The following USP38 variants were observed in gnomAD, a reference collection of about 807,000 sequenced individuals.
The protein encoded by USP38 is ubiquitin specific peptidase 38.
Under a neutral mutation model 94.3 loss-of-function variants are expected in USP38, and 49 were observed. The ratio of observed to expected loss-of-function variants is 0.52; its 90% CI spans 0.41 to 0.66. The LOEUF (loss-of-function observed/expected upper bound fraction) is 0.66. USP38 is among the 30% of genes least tolerant of loss of function. The pLI is 0.00. For synonymous variants in USP38, 468 were observed against 463.6 expected, an observed-to-expected ratio of 1.01 and a Z score of -0.12; for missense variants, 1,128 against 1,229.4, an observed-to-expected ratio of 0.92 and a Z score of 1.23.
chr4:143,195,577 A>G lies in USP38; in HGVS notation c.819-139A>G, dbSNP rs1731520173. The G allele has an allele frequency of 5.1e-6, 4 of 791,032 alleles. No homozygotes were observed. The South Asian group carries it at 1.0e-4, about 20-fold the overall frequency. The allele number at this position is 791,032 out of a possible 1,614,324, so 49.0% of individuals were successfully genotyped here. ...AAGCACCTGTTACATTCACTTCTAC[A>G]TCTTGGTCAGTGCTTTTCACCAGCA... is the stretch of plus-strand genomic sequence containing the variant. On this transcript the variant is annotated intron_variant, in intron 2 of 9. Transcript: ENST00000307017.
rs1472499721 is a variant in USP38 at position 143,203,670 on chromosome 4, T to G, written c.1209+104T>G. On this transcript the variant is annotated intron_variant, in intron 5 of 9. Coordinates refer to ENST00000307017, the MANE Select transcript of USP38 (RefSeq NM_032557.6). ...ATTTACTATTTTATGGTAATATGCT[T>G]TTTATTTGAAAAATGCAGTTAGAAT... 3.2e-6 allele frequency: 4 copies of G among 1,238,360 alleles called. No individual in the cohort carries two copies. The African/African-American group carries it at 6.3e-5, about 19-fold the overall frequency. 76.7% of individuals were successfully genotyped at this position (1,238,360 alleles called of 1,614,324 possible).
Position 143,220,507 on chromosome 4 carries a change from T to C in USP38, c.*51T>C. 1 of 1,463,232 alleles carries C rather than the reference T, an allele frequency of 6.8e-7. No homozygotes were observed. Among genetic ancestry groups the C allele is most frequent in the Non-Finnish European group, 9.1e-7 (1 of 1,098,822 alleles). 90.6% of individuals were successfully genotyped at this position (1,463,232 alleles called of 1,614,324 possible). On this transcript the variant is annotated 3_prime_UTR_variant, in exon 10 of 10. Coordinates refer to ENST00000307017, the MANE Select transcript of USP38 (RefSeq NM_032557.6). ...GTCACGAAACGTCTAATACTATGAC[T>C]GTTAAAATGTCAGACTATAACAAAT...
chr4:143,217,391 AATT>A (rs1050076901), intron 9 of USP38, among the ~76,000 whole-genome samples: 2 of 152,172 alleles, frequency 1.3e-5, no homozygotes, highest in Non-Finnish European at 2.9e-5. Flanking sequence ...TTTGAGATAT[AATT>A]ATTATAAATA....
At chr4:143,200,372 G>C (rs921227669) in intron 4 of USP38, among the ~76,000 whole-genome samples, 5 of 152,116 alleles carry the variant, frequency 3.3e-5, no homozygotes, top group African/African-American at 1.2e-4. Flanking sequence ...AGGTATTAGA[G>C]GAACATGTCT....
chr4:143,195,941 T>G (rs1731533759), intron 3 of USP38, 96 bp downstream of exon 3: 1 of 1,172,914 alleles, frequency 8.5e-7, no homozygotes, highest in Admixed American at 3.2e-5. Context: ...TAATTTTGAA[T>G]ATGTTATTGT....
intron 2 of USP38, 73 bp from the exon 3 acceptor site, chr4:143,195,643 C>A: frequency 1.4e-6 from 2 of 1,450,454 alleles, no homozygotes; most frequent in Non-Finnish European, 1.9e-6. Context: ...TGATTATCTA[C>A]TGTAACTCTT....
intron 7 of USP38, among the ~76,000 whole-genome samples, chr4:143,210,284 A>G (rs1731987003): frequency 6.6e-6 from 1 of 152,160 alleles, no homozygotes; most frequent in Non-Finnish European, 1.5e-5. Flanking sequence ...GCAGTCAGTG[A>G]TAAGCATTAA....
In USP38 at chr4:143,223,326, G is replaced by T. The variant is rs1732370842; in HGVS notation, c.*2870G>T. On this transcript the variant is annotated 3_prime_UTR_variant, in exon 10 of 10. Coordinates refer to ENST00000307017, the MANE Select transcript of USP38 (RefSeq NM_032557.6). ...GACTTTTATCTCCATACCTTAAATT[G>T]TTGGTAGATCCTTTGGATGTAGAGA... is the stretch of plus-strand genomic sequence containing the variant. 1 of 152,110 alleles carries T rather than the reference G, an allele frequency of 6.6e-6. No homozygotes were observed. Among genetic ancestry groups the T allele is most frequent in the African/African-American group, 2.4e-5 (1 of 41,442 alleles). 9.4% of individuals were successfully genotyped at this position (152,110 alleles called of 1,614,324 possible). A position where few individuals can be genotyped will look rare whatever the true frequency, so the allele number is the denominator to read the frequency against.
chr4:143,185,996 C>T lies in USP38; in HGVS notation c.546C>T (p.Ser182=), dbSNP rs760471861. Residue 182 remains serine (S), a synonymous_variant, in exon 1 of 10, where the codon TCC becomes TCT. Transcript: ENST00000307017. ...CGATAGGCCATTTCCAGTGCGTGTC[C>T]ACCCAGGAAAGAGAGCTGCGGGAAT... ...VRTIGHFQCV[S]TQERELREYV... is the part of the protein sequence containing the mutation. 2 of 1,614,174 alleles carry T rather than the reference C, an allele frequency of 1.2e-6. No homozygotes were observed. The highest frequency in any genetic ancestry group is 1.7e-6 in the Non-Finnish European group (2 of 1,180,030).
At chr4:143,210,991 C>T (rs999630624) in intron 7 of USP38, among the ~76,000 whole-genome samples, 3 of 151,922 alleles carry the variant, frequency 2.0e-5, no homozygotes, top group Admixed American at 6.6e-5. Context: ...CCAAGGGAAA[C>T]GAAATGAAAA....
At chr4:143,204,496 C>G (rs1731806702) in intron 5 of USP38, 2 of 423,108 alleles carry the variant, frequency 4.7e-6, no homozygotes, top group Non-Finnish European at 9.3e-6. Flanking sequence ...CTCAAGTGAC[C>G]CTCCTGCCTC....
intron 5 of USP38, among the ~76,000 whole-genome samples, chr4:143,205,682 C>T (rs1731840048): frequency 6.6e-6 from 1 of 152,126 alleles, no homozygotes; most frequent in African/African-American, 2.4e-5. Context: ...AGTCTTCATT[C>T]TACTGCCTTT....
rs1732297398 is a variant in USP38, at chr4:143,220,529, AAATATC to A, written c.*74_*79del. 2.9e-6 allele frequency: 4 copies of A among 1,369,624 alleles called. No individual in the cohort carries two copies. The highest frequency in any genetic ancestry group is 1.9e-6 in the Non-Finnish European group (2 of 1,041,020). The allele number at this position is 1,369,624 out of a possible 1,614,324, so 84.8% of individuals were successfully genotyped here. On this transcript the variant is annotated 3_prime_UTR_variant, in exon 10 of 10. Transcript: ENST00000307017. ...GACTGTTAAAATGTCAGACTATAAC[AAATATC>A]TATCTTTTATTTTTCATTAGACCCT... is the stretch of plus-strand genomic sequence containing the variant.
rs370004490 is a variant in USP38 at position 143,185,415 on chromosome 4, C to T, written c.-36C>T. ...ACCTCGGGGCTGCCGCCACCCGCTC[C>T]TTATCCCCTGGCCCTGGCCTTGCAG... is the stretch of plus-strand genomic sequence containing the variant. On this transcript the variant is annotated 5_prime_UTR_variant, in exon 1 of 10. Coordinates refer to ENST00000307017, the MANE Select transcript of USP38 (RefSeq NM_032557.6). The T allele has an allele frequency of 2.0e-6, 3 of 1,537,370 alleles. No individual in the cohort carries two copies. The highest frequency in any genetic ancestry group is 4.0e-5 in the Admixed American group (2 of 50,486).
Position 143,220,281 on chromosome 4 carries a change from A to G in USP38, c.2968-14A>G. ...TTAGCATTTTAATTTCATAAAAGTTATTTTTAATTTTAGGAACAAGAGTTG... is the reference window on the plus strand; with the variant it reads ...TTAGCATTTTAATTTCATAAAAGTTGTTTTTAATTTTAGGAACAAGAGTTG... On this transcript the variant is annotated splice_polypyrimidine_tract_variant and intron_variant, in intron 9 of 9. Transcript: ENST00000307017. 6.3e-7 allele frequency: 1 copy of G among 1,598,400 alleles called. No individual in the cohort carries two copies. The highest frequency in any genetic ancestry group is 1.1e-5 in the South Asian group (1 of 89,084).
intron 1 of USP38, 129 bp downstream of exon 1, chr4:143,186,261 C>A: frequency 1.1e-6 from 1 of 904,886 alleles, no homozygotes; most frequent in African/African-American, 1.7e-5. Flanking sequence ...CCTAATACCT[C>A]ATCCCAAATT....
At chr4:143,208,884 A>G (rs1189932515) in intron 6 of USP38, among the ~76,000 whole-genome samples, 1 of 150,408 alleles carries the variant, frequency 6.6e-6, no homozygotes, top group East Asian at 1.9e-4. Flanking sequence ...TTTGTATTTT[A>G]TATCTAGCTC....
At chr4:143,215,723 T>TGAAAAGATACTCCTGAAAA (rs1732167924) in intron 9 of USP38, 2 of 152,048 alleles carry the variant, frequency 1.3e-5, no homozygotes, top group African/African-American at 4.8e-5. Context: ...ATTCTGTGTT[T>TGAAAAGATACTCCTGAAAA]GAAAGTCACT....
rs1732089445 is a variant in USP38, at chr4:143,213,624, A to C, written c.1648A>C (p.Lys550Gln). Residue 550 changes from lysine (K) to glutamine (Q), a missense_variant, in exon 9 of 10, where the codon AAG becomes CAG. Physicochemically the swap from Lys to Gln is moderately conservative, Grantham distance 53. Coordinates refer to ENST00000307017, the MANE Select transcript of USP38 (RefSeq NM_032557.6). Reference protein sequence around the residue: ...EKILKVQASHKPSEILECSET... With the variant: ...EKILKVQASHQPSEILECSET... ...GATCTTGAAAGTTCAGGCCTCACAC[A>C]AGCCTTCTGAAATTCTGGAATGCAG... 6.2e-7 allele frequency: 1 copy of C among 1,612,924 alleles called. No individual in the cohort carries two copies. Among genetic ancestry groups the C allele is most frequent in the South Asian group, 1.1e-5 (1 of 90,964 alleles).
Sources: gnomAD v4.1 joint callset for allele counts (sites outside exome capture counted in the v4.1 genomes callset) on GRCh38, gnomAD v4.1.1 for gene constraint, MANE v1.5 for transcripts, NCBI Gene and HGNC (gene_info 2026-07-23, HGNC 2026-07-21) for gene names.